Variants in SLC7A14 observed in about 807,000 individuals in gnomAD.
SLC7A14 encodes gamma-aminobutyric acid transporter SLC7A14.
SLC7A14 carries 37 observed loss-of-function variants against 60.2 expected under a neutral mutation model. The ratio of observed to expected loss-of-function variants is 0.61; its 90% confidence interval spans 0.47 to 0.81. The LOEUF is 0.81. Among genes scored for constraint, SLC7A14 ranks in the 30% least tolerant of loss-of-function variants. The probability of loss-of-function intolerance (pLI) is 0.00; values close to 1 mark genes in which losing one functional copy is unlikely to be tolerated. For synonymous variants in SLC7A14, 399 were observed against 395.8 expected (o/e 1.01, Z -0.10); for missense variants, 886 against 982.7 (o/e 0.90, Z 1.32).
At chr3:170,486,484 A>G in intron 4 of SLC7A14, 116 bp from the exon 5 acceptor site, 1 of 1,294,210 alleles carries the variant, frequency 7.7e-7, no homozygotes. Context: ...CTGAGGGAGT[A>G]ACATGGTGGA....
chr3:170,561,880 C>T lies in SLC7A14; in HGVS notation c.-153+24031G>A, dbSNP rs532851490. On this transcript the variant is annotated intron_variant, in intron 1 of 7. Transcript: ENST00000231706. ...AAAAGATATACAAGTGGCCAACAAACGTATGAAAAAATGCTCAATATCACT... is the reference window on the plus strand; with the variant it reads ...AAAAGATATACAAGTGGCCAACAAATGTATGAAAAAATGCTCAATATCACT... 7.9e-5 allele frequency among the ~76,000 whole-genome samples: 12 copies of T among 152,092 alleles called. No individual in the cohort carries two copies. In the South Asian group the frequency reaches 2.1e-3, roughly 26 times the overall value.
At position 170,467,361 on chromosome 3, in the gene SLC7A14, A is replaced by G; in HGVS notation, c.2010T>C (p.Phe670=). 6.2e-7 allele frequency: 1 copy of G among 1,601,166 alleles called. No individual in the cohort carries two copies. The highest frequency in any genetic ancestry group is 2.2e-5 in the East Asian group (1 of 44,642). The stretch of plus-strand genomic sequence containing the variant: ...GGGTGCTGTTCCAGATGCCATATCC[A>G]AAATAAATGAGCAGACCTGTGGGGC... ...VWCFVGLLIY[F]GYGIWNSTLE... is the part of the protein sequence containing the mutation. Residue 670 remains phenylalanine (F), a synonymous_variant, in exon 8 of 8, where the codon TTT becomes TTC. Coordinates refer to ENST00000231706, the MANE Select transcript of SLC7A14 (RefSeq NM_020949.3).
intron 2 of SLC7A14, among the ~76,000 whole-genome samples, chr3:170,517,412 G>A (rs889123173): frequency 2.0e-5 from 3 of 152,144 alleles, no homozygotes; most frequent in Non-Finnish European, 2.9e-5. Flanking sequence ...GTTTCCAGAG[G>A]TGTTTCAGGG....
At chr3:170,492,082 G>C (rs1339699826) in intron 4 of SLC7A14, among the ~76,000 whole-genome samples, 1 of 152,128 alleles carries the variant, frequency 6.6e-6, no homozygotes, top group East Asian at 1.9e-4. Flanking sequence ...ACTGTATATG[G>C]GTGTCTCTAC....
intron 1 of SLC7A14, among the ~76,000 whole-genome samples, chr3:170,541,716 A>C (rs1318157603): frequency 1.3e-5 from 2 of 152,330 alleles, no homozygotes; most frequent in East Asian, 3.9e-4. Context: ...AAATGTTAAA[A>C]ATGGGGAATC....
intron 1 of SLC7A14, among the ~76,000 whole-genome samples, chr3:170,577,314 A>G (rs1715118965): frequency 6.6e-6 from 1 of 152,172 alleles, no homozygotes; most frequent in African/African-American, 2.4e-5. Context: ...CTCCCCACAG[A>G]GTATCTAGAA....
intron 4 of SLC7A14, among the ~76,000 whole-genome samples, chr3:170,489,240 A>T (rs1712137157): frequency 6.6e-6 from 1 of 152,250 alleles, no homozygotes; most frequent in Admixed American, 6.5e-5. Flanking sequence ...AGAATATATA[A>T]GGAGCTCAAA....
At chr3:170,537,359 T>C (rs1173192801) in intron 1 of SLC7A14, among the ~76,000 whole-genome samples, 1 of 152,174 alleles carries the variant, frequency 6.6e-6, no homozygotes, top group African/African-American at 2.4e-5. Context: ...TGTAATTATA[T>C]CAAATCTATT....
At chr3:170,570,060 T>A (rs976677853) in intron 1 of SLC7A14, 4 of 152,172 alleles carry the variant, frequency 2.6e-5, no homozygotes, top group Non-Finnish European at 1.5e-5. Context: ...TTTATTCTAT[T>A]TTCTAATGAC....
At chr3:170,561,172 T>TC (rs1009605030) in intron 1 of SLC7A14, among the ~76,000 whole-genome samples, 1 of 152,136 alleles carries the variant, frequency 6.6e-6, no homozygotes, top group Non-Finnish European at 1.5e-5. Flanking sequence ...TGGCCTGAAG[T>TC]CCCTTCACAG....
chr3:170,529,660 G>GC lies in SLC7A14; in HGVS notation c.-152-2573dup, dbSNP rs200975666. On this transcript the variant is annotated intron_variant, in intron 1 of 7. Transcript: ENST00000231706. Reference sequence around the variant, plus strand: ...AGACTGTGTTATGGGCTGAATCATGGCCCCCCCAAATTAGAATGTTGGAGT... The same window carrying GC: ...AGACTGTGTTATGGGCTGAATCATGGCCCCCCCCAAATTAGAATGTTGGAGT... Among the ~76,000 whole-genome samples, 1,458 of 152,130 alleles carry GC rather than the reference G, an allele frequency of 9.6e-3. 13 individuals carry two copies. The highest frequency in any genetic ancestry group is 0.026 in the African/African-American group (1,089 of 41,472).
rs1325093698 is a variant in SLC7A14 at position 170,480,556 on chromosome 3, T to C, written c.1726A>G (p.Met576Val). 4.3e-6 allele frequency: 7 copies of C among 1,613,990 alleles called. No individual in the cohort carries two copies. In the African/African-American group the frequency reaches 9.3e-5, roughly 22 times the overall value. The change falls in exon 7 of 8, where the codon ATG becomes GTG. Residue 576 changes from methionine to valine, a missense_variant. Coordinates refer to ENST00000231706, the MANE Select transcript of SLC7A14 (RefSeq NM_020949.3). ...TICVLLLFIL[M>V]FIFCSFIIFG... The stretch of plus-strand genomic sequence containing the variant: ...ATGATGAAGGAGCAGAAGATGAACA[T>C]GAGGATGAAGAGCAGGAGCACGCAG...
intron 2 of SLC7A14, among the ~76,000 whole-genome samples, chr3:170,502,568 G>A (rs1245670689): frequency 6.6e-6 from 1 of 152,172 alleles, no homozygotes; most frequent in African/African-American, 2.4e-5. Context: ...TGGGATGTAA[G>A]AGGATGTAGG....
At position 170,506,797 on chromosome 3, in the gene SLC7A14, C is replaced by T. The variant is rs192191111; in HGVS notation, c.305-5452G>A. 3.8e-3 allele frequency among the ~76,000 whole-genome samples: 581 copies of T among 152,272 alleles called. 4 individuals are homozygous for T. The highest frequency in any genetic ancestry group is 0.013 in the African/African-American group (559 of 41,550). On this transcript the variant is annotated intron_variant, in intron 2 of 7. Coordinates refer to ENST00000231706, the MANE Select transcript of SLC7A14 (RefSeq NM_020949.3). ...TTTAGAACCAGGAAGCAAAACTTCT[C>T]CTTCCTAACAGGGTAAAGGAGAAAG... is the stretch of plus-strand genomic sequence containing the variant.
At chr3:170,512,396 G>C (rs539195457) in intron 2 of SLC7A14, among the ~76,000 whole-genome samples, 1 of 152,286 alleles carries the variant, frequency 6.6e-6, no homozygotes, top group African/African-American at 2.4e-5. Flanking sequence ...AGACATGAGA[G>C]ACCCTTCATG....
intron 1 of SLC7A14, among the ~76,000 whole-genome samples, chr3:170,528,572 GA>G (rs1438223903): frequency 6.6e-6 from 1 of 152,174 alleles, no homozygotes; most frequent in African/African-American, 2.4e-5. Flanking sequence ...ACGCTAATTA[GA>G]AGAATCAGGT....
intron 1 of SLC7A14, among the ~76,000 whole-genome samples, chr3:170,552,912 A>G (rs1027911146): frequency 2.6e-5 from 4 of 152,138 alleles, no homozygotes; most frequent in Non-Finnish European, 2.9e-5. Flanking sequence ...CTTTTCCTAC[A>G]TTCCACCTAG....
rs146402552 is a variant in SLC7A14, at chr3:170,534,018, T to C, written c.-152-6930A>G. ...CATATTTTAGCTATGCAAATAAGAT[T>C]GCACCAATTAAGCTTCCTTTTCAAA... On this transcript the variant is annotated intron_variant, in intron 1 of 7. Coordinates refer to ENST00000231706, the MANE Select transcript of SLC7A14 (RefSeq NM_020949.3). Among the ~76,000 whole-genome samples the C allele has an allele frequency of 4.1e-3, 620 of 152,354 alleles. 5 individuals are homozygous for C. The highest frequency in any genetic ancestry group is 0.014 in the African/African-American group (597 of 41,582).
At chr3:170,496,633 C>T (rs1712405662) in intron 4 of SLC7A14, 5 of 1,480,014 alleles carry the variant, frequency 3.4e-6, no homozygotes, top group Non-Finnish European at 2.8e-6. Flanking sequence ...GAGGAGAGCC[C>T]GGCTGGAGTC....
Sources: allele counts gnomAD v4.1 joint callset (sites outside exome capture counted in the v4.1 genomes callset), GRCh38; gene constraint gnomAD v4.1.1; transcripts MANE v1.5; gene names NCBI Gene and HGNC (gene_info 2026-07-23, HGNC 2026-07-21).